EVI5: variants seen among roughly 807,000 people sequenced by gnomAD.
The protein encoded by EVI5 is ecotropic viral integration site 5 protein homolog.
Under a neutral mutation model 112.0 loss-of-function variants are expected in EVI5, and 73 were observed. That is an observed-to-expected ratio of 0.65 (90% CI 0.54 to 0.79). The LOEUF (loss-of-function observed/expected upper bound fraction) is 0.79. Ranked by LOEUF, EVI5 falls within the 30% of genes least tolerant of loss-of-function variation. EVI5 has a pLI of 0.00. For missense variants in EVI5, 900 were observed against 968.8 expected (o/e 0.93, Z 0.94); for synonymous variants, 305 against 319.9 (o/e 0.95, Z 0.50).
chr1:92,781,677 A>G (rs183182949), intron 1 of EVI5, among the ~76,000 whole-genome samples: 20 of 152,098 alleles, frequency 1.3e-4, no homozygotes, highest in African/African-American at 4.6e-4. Context: ...GGCTGGGTGC[A>G]GTGGTTCATG....
intron 19 of EVI5, among the ~76,000 whole-genome samples, chr1:92,552,926 A>G (rs955845675): frequency 1.3e-5 from 2 of 151,464 alleles, no homozygotes; most frequent in Admixed American, 6.6e-5. Context: ...TCATTAATTA[A>G]CCCCAGTTTC....
intron 18 of EVI5, among the ~76,000 whole-genome samples, chr1:92,597,917 G>C (rs1648273293): frequency 6.6e-6 from 1 of 152,160 alleles, no homozygotes; most frequent in African/African-American, 2.4e-5. Context: ...AAATTAGCCA[G>C]GTGTGGTGGT....
At position 92,751,018 on chromosome 1, in the gene EVI5, C is replaced by T. The variant is rs569315071; in HGVS notation, c.-81-14391G>A. On this transcript the variant is annotated intron_variant, in intron 1 of 19. Coordinates refer to ENST00000684568, the MANE Select transcript of EVI5 (RefSeq NM_001350197.2). Reference sequence around the variant, plus strand: ...ACAAAAAATTAGCCAGGCATGGTGGCGGGCACCTGTAGTCCCAGCTACTCA... The same window carrying T: ...ACAAAAAATTAGCCAGGCATGGTGGTGGGCACCTGTAGTCCCAGCTACTCA... 5.3e-4 allele frequency among the ~76,000 whole-genome samples: 81 copies of T among 152,102 alleles called. 1 individual carries two copies. The highest frequency in any genetic ancestry group is 1.8e-3 in the African/African-American group (74 of 41,490).
intron 19 of EVI5, among the ~76,000 whole-genome samples, chr1:92,514,540 T>A (rs1659577557): frequency 6.6e-6 from 1 of 152,176 alleles, no homozygotes. Flanking sequence ...GATTAGGAAA[T>A]GGAGACTCAG....
At chr1:92,732,325 G>T in intron 2 of EVI5, 1 of 398,184 alleles carries the variant, frequency 2.5e-6, no homozygotes, top group South Asian at 2.2e-5. Context: ...AGCCTTACAT[G>T]ACTGCCACTC....
At chr1:92,578,542 C>T (rs1489546126) in intron 18 of EVI5, among the ~76,000 whole-genome samples, 3 of 151,680 alleles carry the variant, frequency 2.0e-5, no homozygotes, top group East Asian at 1.9e-4. Flanking sequence ...GGTGAAACCC[C>T]GTATCTACTA....
chr1:92,663,222 T>C (rs1298993268), intron 12 of EVI5, among the ~76,000 whole-genome samples, 198 bp downstream of exon 12: 1 of 152,212 alleles, frequency 6.6e-6, no homozygotes, highest in Non-Finnish European at 1.5e-5. Context: ...AGGTTAGCTT[T>C]AAAACGTGCA....
intron 18 of EVI5, among the ~76,000 whole-genome samples, chr1:92,601,944 T>G (rs1649267161): frequency 6.6e-6 from 1 of 152,226 alleles, no homozygotes; most frequent in Non-Finnish European, 1.5e-5. Context: ...AAGTACAGAC[T>G]AATGCTAAAA....
chr1:92,524,984 C>A (rs1161172645), intron 19 of EVI5, among the ~76,000 whole-genome samples: 1 of 151,864 alleles, frequency 6.6e-6, no homozygotes, highest in Non-Finnish European at 1.5e-5. Flanking sequence ...CCCACCACCA[C>A]ACCCAGCTAA....
In EVI5 at chr1:92,512,733, C is replaced by T. The variant is rs1296879636; in HGVS notation, c.*923G>A. The T allele has an allele frequency of 6.6e-6, 1 of 151,960 alleles. No individual in the cohort carries two copies. The highest frequency in any genetic ancestry group is 1.5e-5 in the Non-Finnish European group (1 of 67,992). 9.4% of individuals were successfully genotyped at this position (151,960 alleles called of 1,614,324 possible). A position where few individuals can be genotyped will look rare whatever the true frequency, so the allele number is the denominator to read the frequency against. ...ACTTAAAACTCTCAAAACAGATAAT[C>T]ATGAATTTGTGTTTATAAAATTATA... On this transcript the variant is annotated 3_prime_UTR_variant, in exon 20 of 20. Coordinates refer to ENST00000684568, the MANE Select transcript of EVI5 (RefSeq NM_001350197.2).
intron 9 of EVI5, among the ~76,000 whole-genome samples, chr1:92,689,484 T>C (rs1046070040): frequency 6.6e-6 from 1 of 152,062 alleles, no homozygotes; most frequent in African/African-American, 2.4e-5. Flanking sequence ...CACCTTGGCT[T>C]CTTGAGTAGC....
chr1:92,710,086 CAAAA>C (rs71091297), intron 2 of EVI5, among the ~76,000 whole-genome samples: 2 of 82,786 alleles, frequency 2.4e-5, no homozygotes, highest in African/African-American at 9.8e-5. Flanking sequence ...TATTGCAAAG[CAAAA>C]AAAAAAAAAA....
At position 92,652,469 on chromosome 1, in the gene EVI5, A is replaced by G. The variant is rs1340481268; in HGVS notation, c.1392+10250T>C. On this transcript the variant is annotated intron_variant, in intron 13 of 19. Transcript: ENST00000684568. Reference sequence around the variant, plus strand: ...TGTACTTAATGACACTGAACTGTACACTTAAATGGTAAATTTTAGGTTGTA... The same window carrying G: ...TGTACTTAATGACACTGAACTGTACGCTTAAATGGTAAATTTTAGGTTGTA... 2.6e-5 allele frequency among the ~76,000 whole-genome samples: 4 copies of G among 152,246 alleles called. No homozygotes were observed. In the East Asian group the frequency reaches 7.7e-4, roughly 29 times the overall value.
intron 19 of EVI5, among the ~76,000 whole-genome samples, chr1:92,543,738 G>A (rs1665216679): frequency 6.6e-6 from 1 of 152,142 alleles, no homozygotes; most frequent in Non-Finnish European, 1.5e-5. Flanking sequence ...AATGATCACA[G>A]ATCACCAGAA....
At chr1:92,764,460 A>T (rs1682321236) in intron 1 of EVI5, among the ~76,000 whole-genome samples, 2 of 152,202 alleles carry the variant, frequency 1.3e-5, no homozygotes, top group Non-Finnish European at 2.9e-5. Context: ...GAGACAGAAC[A>T]CTTAAACTTC....
chr1:92,646,342 C>T (rs181089901), intron 13 of EVI5, among the ~76,000 whole-genome samples: 151 of 152,294 alleles, frequency 9.9e-4, no homozygotes, highest in Non-Finnish European at 1.5e-3. Context: ...AACAGTTCTA[C>T]AGCTTGTTCA....
chr1:92,535,260 A>C (rs1663662113), intron 19 of EVI5, among the ~76,000 whole-genome samples: 1 of 152,202 alleles, frequency 6.6e-6, no homozygotes, highest in Non-Finnish European at 1.5e-5. Flanking sequence ...AGGAAACAAC[A>C]GATGCTGGAG....
At chr1:92,777,931 C>T (rs1459894463) in intron 1 of EVI5, among the ~76,000 whole-genome samples, 3 of 139,690 alleles carry the variant, frequency 2.1e-5, no homozygotes, top group East Asian at 2.1e-4. Context: ...TTTTTTGTGA[C>T]GGAGTGTCAC....
At chr1:92,778,098 G>A (rs1193048716) in intron 1 of EVI5, among the ~76,000 whole-genome samples, 2 of 150,540 alleles carry the variant, frequency 1.3e-5, no homozygotes, top group Non-Finnish European at 2.9e-5. Context: ...TAGTAGAGAC[G>A]GGGTTTCACC....
Sources: allele counts gnomAD v4.1 joint callset (sites outside exome capture counted in the v4.1 genomes callset), GRCh38; gene constraint gnomAD v4.1.1; transcripts MANE v1.5; gene names NCBI Gene and HGNC (gene_info 2026-07-23, HGNC 2026-07-21).